Variants in STIM1 observed in about 807,000 individuals in gnomAD.
STIM1 encodes stromal interaction molecule 1.
Under a neutral mutation model 74.7 loss-of-function variants are expected in STIM1, and 25 were observed. That is an observed-to-expected ratio of 0.33 (90% CI 0.24 to 0.47). The LOEUF (loss-of-function observed/expected upper bound fraction) is 0.47. STIM1 is among the 20% of genes least tolerant of loss of function. The pLI is 1.00. For synonymous variants in STIM1, 328 were observed against 348.8 expected (o/e 0.94, Z 0.66); for missense variants, 728 against 920.8 (o/e 0.79, Z 2.71).
intron 1 of STIM1, among the ~76,000 whole-genome samples, chr11:3,916,304 T>C (rs1044903099): frequency 5.3e-5 from 8 of 151,534 alleles, no homozygotes; most frequent in African/African-American, 2.0e-4. Context: ...TTTTTTTAAT[T>C]GAGACAGAGT....
chr11:3,943,428 A>G (rs1332566231), intron 1 of STIM1, among the ~76,000 whole-genome samples: 2 of 152,200 alleles, frequency 1.3e-5, no homozygotes, highest in African/African-American at 4.8e-5. Context: ...CACCATACCT[A>G]TTCTTACCTC....
intron 2 of STIM1, among the ~76,000 whole-genome samples, chr11:3,972,386 C>A (rs1431137979): frequency 6.6e-6 from 1 of 152,168 alleles, no homozygotes; most frequent in South Asian, 2.1e-4. Flanking sequence ...TACCTAGATT[C>A]CTATATACAT....
chr11:4,033,016 T>C (rs1367364838), intron 3 of STIM1, among the ~76,000 whole-genome samples: 2 of 152,134 alleles, frequency 1.3e-5, no homozygotes, highest in Non-Finnish European at 2.9e-5. Context: ...CTTTAATCCA[T>C]CTTGAATTGA....
intron 1 of STIM1, among the ~76,000 whole-genome samples, chr11:3,897,897 C>G (rs2092235527): frequency 6.6e-6 from 1 of 152,038 alleles, no homozygotes; most frequent in African/African-American, 2.4e-5. Flanking sequence ...GCCACATTTT[C>G]TTAGTCCAGT....
chr11:3,905,909 G>C (rs536681915), intron 1 of STIM1, among the ~76,000 whole-genome samples: 1 of 152,364 alleles, frequency 6.6e-6, no homozygotes, highest in South Asian at 2.1e-4. Context: ...TGGGGCTAGT[G>C]CTAGCCTGGA....
In STIM1 at chr11:3,953,036, A is replaced by C. The variant is rs2093167880; in HGVS notation, c.140-14516A>C. Among the ~76,000 whole-genome samples the C allele has an allele frequency of 2.0e-5, 3 of 152,310 alleles. No individual in the cohort carries two copies. In the South Asian group the frequency reaches 6.2e-4, roughly 32 times the overall value. On this transcript the variant is annotated intron_variant, in intron 1 of 12. Transcript: ENST00000526596. ...TCTTGTGAGATCAAAATTTGAAGAA[A>C]AGAATGCTTAGAGGAGGAGGAAGGT...
chr11:4,057,299 C>T (rs1050067158), intron 4 of STIM1, among the ~76,000 whole-genome samples: 5 of 152,182 alleles, frequency 3.3e-5, no homozygotes, highest in African/African-American at 1.2e-4. Flanking sequence ...GTCACTGGTT[C>T]ACTTAGCTTT....
At chr11:4,013,954 G>A (rs561532046) in intron 2 of STIM1, among the ~76,000 whole-genome samples, 94 of 152,008 alleles carry the variant, frequency 6.2e-4, no homozygotes, top group African/African-American at 2.0e-3. Flanking sequence ...TGATCCGCCC[G>A]TGTTGGTTTC....
chr11:4,021,407 T>C (rs912928171), intron 2 of STIM1, among the ~76,000 whole-genome samples: 3 of 152,382 alleles, frequency 2.0e-5, no homozygotes, highest in East Asian at 3.9e-4. Flanking sequence ...ATTACAGGCA[T>C]GAGCCACCGT....
Position 4,047,759 on chromosome 11 carries a change from G to A in STIM1, c.386-7767G>A, listed in dbSNP as rs551886394. Among the ~76,000 whole-genome samples the A allele has an allele frequency of 3.3e-5, 5 of 151,568 alleles. No homozygotes were observed. In the South Asian group the frequency reaches 8.4e-4, roughly 25 times the overall value. ...CTCTTGAGCCCAGGAGTTCAAGGCT[G>A]CAGTGAGCTGTGACCATGCCACTGC... On this transcript the variant is annotated intron_variant, in intron 3 of 12. Transcript: ENST00000526596.
intron 3 of STIM1, among the ~76,000 whole-genome samples, chr11:4,054,742 A>G: frequency 6.6e-6 from 1 of 152,122 alleles, no homozygotes; most frequent in Non-Finnish European, 1.5e-5. Flanking sequence ...TTTCACACAC[A>G]TCAAATTTCA....
intron 1 of STIM1, among the ~76,000 whole-genome samples, chr11:3,908,428 C>T (rs1366717490): frequency 6.6e-6 from 1 of 151,950 alleles, no homozygotes; most frequent in Non-Finnish European, 1.5e-5. Flanking sequence ...CTGGCTAACC[C>T]GGTGAAACCC....
In STIM1 at chr11:4,059,377, G is replaced by T. The variant is rs758234512; in HGVS notation, c.594G>T (p.Val198=). 3.7e-6 allele frequency: 6 copies of T among 1,613,934 alleles called. No individual in the cohort carries two copies. In the East Asian group the frequency reaches 1.3e-4, roughly 36 times the overall value. Residue 198 remains valine (V), a synonymous_variant, in exon 5 of 13, where the codon GTG becomes GTT. Transcript: ENST00000526596. ...QKLQLKALDT[V]LFGPPLLTRH... is the part of the protein sequence containing the mutation. ...TGCAGCTGAAGGCTCTGGATACAGT[G>T]CTCTTTGGGCCTCCTCTCTGTGAGT...
intron 1 of STIM1, among the ~76,000 whole-genome samples, chr11:3,882,328 A>G (rs1483270535): frequency 6.6e-6 from 1 of 151,502 alleles, no homozygotes; most frequent in East Asian, 2.0e-4. Flanking sequence ...TGAACTCCCG[A>G]CCTCAGGTGA....
At chr11:4,071,688 G>A (rs548322971) in intron 6 of STIM1, among the ~76,000 whole-genome samples, 2 of 152,174 alleles carry the variant, frequency 1.3e-5, no homozygotes, top group Admixed American at 1.3e-4. Context: ...GAGGGGTAGG[G>A]ACAAGACTTC....
intron 1 of STIM1, among the ~76,000 whole-genome samples, chr11:3,929,053 G>A (rs1446677516): frequency 6.6e-6 from 1 of 152,030 alleles, no homozygotes; most frequent in Non-Finnish European, 1.5e-5. Flanking sequence ...GTTTCACCAT[G>A]TTGGCCAGGT....
At chr11:3,913,071 T>C (rs1178280891) in intron 1 of STIM1, among the ~76,000 whole-genome samples, 1 of 152,234 alleles carries the variant, frequency 6.6e-6, no homozygotes, top group Non-Finnish European at 1.5e-5. Flanking sequence ...TTAACTATTA[T>C]GAGAGAGAAA....
At chr11:4,023,476 G>A (rs1176785365) in intron 2 of STIM1, among the ~76,000 whole-genome samples, 1 of 152,156 alleles carries the variant, frequency 6.6e-6, no homozygotes, top group African/African-American at 2.4e-5. Flanking sequence ...CATTGGTTGT[G>A]AAGATTTGAT....
intron 3 of STIM1, among the ~76,000 whole-genome samples, chr11:4,050,398 A>G (rs1271868207): frequency 6.6e-6 from 1 of 152,200 alleles, no homozygotes; most frequent in Non-Finnish European, 1.5e-5. Context: ...ATAGATCGTA[A>G]TAGGTGATCC....
Sources: allele counts gnomAD v4.1 joint callset (sites outside exome capture counted in the v4.1 genomes callset), GRCh38; gene constraint gnomAD v4.1.1; transcripts MANE v1.5; gene names NCBI Gene and HGNC (gene_info 2026-07-23, HGNC 2026-07-21).